RIF1: variants seen among roughly 807,000 people sequenced by gnomAD.
The protein encoded by RIF1 is telomere-associated protein RIF1.
Under a neutral mutation model 247.1 loss-of-function variants are expected in RIF1, and 45 were observed. That is an observed-to-expected ratio of 0.18 (90% confidence interval 0.14 to 0.23). The LOEUF is 0.23. Ranked by LOEUF, RIF1 falls within the 10% of genes least tolerant of loss-of-function variation. The probability of loss-of-function intolerance (pLI) is 1.00; values close to 1 mark genes in which losing one functional copy is unlikely to be tolerated. For missense variants in RIF1, 2,967 were observed against 2,862.5 expected (o/e 1.04, Z -0.83); for synonymous variants, 1,087 against 978.8 (o/e 1.11, Z -2.06).
intron 20 of RIF1, among the ~76,000 whole-genome samples, chr2:151,449,866 G>A (rs1214378079): frequency 2.3e-5 from 3 of 131,904 alleles, no homozygotes; most frequent in Non-Finnish European, 3.2e-5. Context: ...TTTTGAGACC[G>A]AGTTTCACTC....
chr2:151,446,941 CTTTCTTT>C (rs1249240525), intron 20 of RIF1, among the ~76,000 whole-genome samples: 2 of 106,138 alleles, frequency 1.9e-5, no homozygotes, highest in Non-Finnish European at 4.0e-5. Context: ...TCTCTTTTCT[CTTTCTTT>C]TTTTTTTTTT....
At chr2:151,529,234 C>T in the RIF1 span, 2 of 1,612,982 alleles carry the variant, frequency 1.2e-6, no homozygotes, top group Non-Finnish European at 1.7e-6. Flanking sequence ...TGTAGGCGTC[C>T]TTGGCTGCTT....
In RIF1 at chr2:151,463,241, A is replaced by C; in HGVS notation, c.3721A>C (p.Asn1241His). The C allele has an allele frequency of 6.2e-7, 1 of 1,613,826 alleles. No individual in the cohort carries two copies. Among genetic ancestry groups the C allele is most frequent in the Non-Finnish European group, 8.5e-7 (1 of 1,179,864 alleles). Reference protein sequence around the residue: ...ENRPFSPSPLNNISSTVTVKN... With the variant: ...ENRPFSPSPLHNISSTVTVKN... ...TAGACCTTTTAGTCCATCCCCCTTG[A>C]ATAATATTTCATCAACTGTTACAGT... The change falls in exon 30 of 36, where the codon AAT becomes CAT. Residue 1241 changes from asparagine (N) to histidine (H), a missense_variant. Transcript: ENST00000444746.
In RIF1 at chr2:151,463,291, T is replaced by TA; in HGVS notation, c.3775dup (p.Thr1259AsnfsTer18). On this transcript the variant is annotated frameshift_variant, in exon 30 of 36. Transcript: ENST00000444746. LOFTEE classifies it high-confidence loss of function. ...TGAAAAATAACCAGGAAACCATGAT[T>TA]AAAACAGATTTTCTACCAAAAGCAA... is the stretch of plus-strand genomic sequence containing the variant. 1 of 1,612,732 alleles carries TA rather than the reference T, an allele frequency of 6.2e-7. No homozygotes were observed. The highest frequency in any genetic ancestry group is 8.5e-7 in the Non-Finnish European group (1 of 1,179,680).
At chr2:151,433,562 C>A (rs771259409) in intron 10 of RIF1, among the ~76,000 whole-genome samples, 17 of 152,160 alleles carry the variant, frequency 1.1e-4, no homozygotes, top group Non-Finnish European at 1.5e-5. Context: ...TCAAGTGATT[C>A]TCCTGTGTCA....
intron 9 of RIF1, chr2:151,491,766 A>G: frequency 6.3e-7 from 1 of 1,587,070 alleles, no homozygotes; most frequent in Non-Finnish European, 8.6e-7. Context: ...AGTACGCCAG[A>G]CACGTAAACC....
intron 8 of RIF1, among the ~76,000 whole-genome samples, chr2:151,427,163 T>A (rs1689243958): frequency 6.6e-6 from 1 of 152,178 alleles, no homozygotes; most frequent in African/African-American, 2.4e-5. Context: ...TGTAATTTTT[T>A]ATTTGTGATG....
At chr2:151,531,312 T>C in the RIF1 span, among the ~76,000 whole-genome samples, 21 of 83,930 alleles carry the variant, frequency 2.5e-4, no homozygotes, top group East Asian at 1.6e-3. Context: ...TTCTTTCTTT[T>C]TTTTTTTTTT....
At chr2:151,511,766 G>GAGTT (rs2074558060), downstream of RIF1, among the ~76,000 whole-genome samples, 1 of 152,182 alleles carries the variant, frequency 6.6e-6, no homozygotes, top group South Asian at 2.1e-4. Flanking sequence ...AGATGATGGA[G>GAGTT]AGTTATTCAT....
chr2:151,501,390 C>T (rs2064419586), intron 11 of RIF1: 1 of 1,541,448 alleles, frequency 6.5e-7, no homozygotes, highest in Non-Finnish European at 8.8e-7. Flanking sequence ...CTCCCAAATA[C>T]CGAGCTAAAG....
At chr2:151,445,656 T>G (rs1455679735) in intron 19 of RIF1, among the ~76,000 whole-genome samples, 1 of 152,162 alleles carries the variant, frequency 6.6e-6, no homozygotes, top group Non-Finnish European at 1.5e-5. Flanking sequence ...CAAGCAGTTC[T>G]CCTGTCTCTG....
At position 151,423,027 on chromosome 2, in the gene RIF1, C is replaced by G. The variant is rs1177145477; in HGVS notation, c.771C>G (p.Val257=). The G allele has an allele frequency of 6.3e-7, 1 of 1,577,502 alleles. No individual in the cohort carries two copies. Among genetic ancestry groups the G allele is most frequent in the Non-Finnish European group, 8.7e-7 (1 of 1,148,320 alleles). Residue 257 remains valine, a synonymous_variant, in exon 8 of 36, where the codon GTC becomes GTG. Transcript: ENST00000444746. ...TGTTAAAATTATGGCCTTTGTTTGT[C>G]AAACTACTTGGAAGGGTAAGTGCCC... ...TYVLKLWPLF[V]KLLGRTLHRS... is the part of the protein sequence containing the mutation.
intron 34 of RIF1, among the ~76,000 whole-genome samples, chr2:151,471,340 G>T (rs1207685483): frequency 6.6e-6 from 1 of 152,180 alleles, no homozygotes; most frequent in East Asian, 1.9e-4. Flanking sequence ...TCTGATGGTA[G>T]TTTCTTTTGC....
chr2:151,524,472 C>T, the RIF1 span: 1 of 1,613,118 alleles, frequency 6.2e-7, no homozygotes, highest in Admixed American at 1.7e-5. Flanking sequence ...CATGCCTTGG[C>T]AATGGCTGTT....
At chr2:151,451,154 A>G (rs1694249390) in intron 20 of RIF1, among the ~76,000 whole-genome samples, 1 of 152,242 alleles carries the variant, frequency 6.6e-6, no homozygotes, top group Non-Finnish European at 1.5e-5. Flanking sequence ...TCAGTCAACA[A>G]CAGACCGCAA....
chr2:151,416,453 T>C, intron 4 of RIF1, 108 bp from the exon 5 acceptor site: 3 of 1,043,058 alleles, frequency 2.9e-6, no homozygotes, highest in Non-Finnish European at 4.1e-6. Context: ...TCTCTGGATA[T>C]ACATTTAATT....
chr2:151,458,130 TTTCA>T (rs1198843514), intron 24 of RIF1, among the ~76,000 whole-genome samples, 167 bp downstream of exon 24: 1 of 152,194 alleles, frequency 6.6e-6, no homozygotes, highest in Non-Finnish European at 1.5e-5. Flanking sequence ...TATTTCACCT[TTTCA>T]TTGGTGCTTA....
rs746781083 is a variant in RIF1, at chr2:151,473,948, T to TC, written c.7096-14dup. The TC allele has an allele frequency of 7.1e-7, 1 of 1,406,604 alleles. No individual in the cohort carries two copies. The highest frequency in any genetic ancestry group is 1.0e-6 in the Non-Finnish European group (1 of 996,510). The allele number at this position is 1,406,604 out of a possible 1,614,324, so 87.1% of individuals were successfully genotyped here. ...GTTGTTGTTTTGCGTTTTTTTCTGC[T>TC]CCAACTGTAATCAAGGTGAAGACTC... On this transcript the variant is annotated splice_polypyrimidine_tract_variant and intron_variant, in intron 34 of 35. Coordinates refer to ENST00000444746, the MANE Select transcript of RIF1 (RefSeq NM_018151.5).
At chr2:151,423,113 G>C in intron 8 of RIF1, 71 bp downstream of exon 8, 1 of 822,092 alleles carries the variant, frequency 1.2e-6, no homozygotes, top group Non-Finnish European at 2.0e-6. Flanking sequence ...CCTTTTCTTT[G>C]TACAGTTGAT....
Sources: allele counts gnomAD v4.1 joint callset (sites outside exome capture counted in the v4.1 genomes callset), GRCh38; gene constraint gnomAD v4.1.1; transcripts MANE v1.5; gene names NCBI Gene and HGNC (gene_info 2026-07-23, HGNC 2026-07-21).